Variants in ANXA8 observed in about 807,000 individuals in gnomAD.
ANXA8 encodes VAC-beta.
In ANXA8, 9 loss-of-function variants were observed where a neutral mutation model predicts 26.8. That is an observed-to-expected ratio of 0.34 (90% CI 0.20 to 0.59). The LOEUF (loss-of-function observed/expected upper bound fraction) is 0.59, where lower values mean the gene tolerates loss of function less well. Ranked by LOEUF, ANXA8 falls within the 20% of genes least tolerant of loss-of-function variation. The pLI, the probability that ANXA8 is intolerant of heterozygous loss-of-function variation, is 0.84. For synonymous variants in ANXA8, 39 were observed against 94.8 expected (o/e 0.41, Z 3.42); for missense variants, 83 against 238.5 (o/e 0.35, Z 4.29).
At chr10:47,617,523 G>A in the ANXA8 span, among the ~76,000 whole-genome samples, 1 of 147,018 alleles carries the variant, frequency 6.8e-6, no homozygotes, top group Non-Finnish European at 1.5e-5. Context: ...TAAGGAGGAT[G>A]GGGTTCATTT....
upstream of ANXA8, among the ~76,000 whole-genome samples, chr10:47,485,357 C>T (rs1218388282): frequency 1.3e-5 from 2 of 151,852 alleles, no homozygotes; most frequent in African/African-American, 2.4e-5. Flanking sequence ...TCAGTCTGTA[C>T]TGCCACCAAC....
At chr10:47,699,099 C>A in the ANXA8 span, among the ~76,000 whole-genome samples, 1 of 151,692 alleles carries the variant, frequency 6.6e-6, no homozygotes, top group Non-Finnish European at 1.5e-5. Context: ...GTAATCCCAG[C>A]ACTTTGAGAG....
the ANXA8 span, among the ~76,000 whole-genome samples, chr10:47,682,722 G>A: frequency 3.3e-5 from 5 of 151,782 alleles, no homozygotes; most frequent in East Asian, 5.8e-4. Flanking sequence ...TGCCCACTTC[G>A]GCCTCCCAAA....
chr10:47,557,299 A>G, the ANXA8 span, among the ~76,000 whole-genome samples: 2 of 149,964 alleles, frequency 1.3e-5, no homozygotes, highest in Non-Finnish European at 3.0e-5. Context: ...ATGAGCCACC[A>G]CACCCAGCCT....
chr10:47,743,313 CACATATATATATAT>C, the ANXA8 span, among the ~76,000 whole-genome samples: 2 of 27,546 alleles, frequency 7.3e-5, no homozygotes, highest in South Asian at 1.7e-3. Context: ...TATATATATA[CACATATATATATAT>C]ACATATATAT....
chr10:47,685,322 G>T, the ANXA8 span, among the ~76,000 whole-genome samples: 1 of 149,568 alleles, frequency 6.7e-6, no homozygotes, highest in Admixed American at 6.6e-5. Flanking sequence ...CTCCAGCCTG[G>T]GTGACAAAAG....
the ANXA8 span, among the ~76,000 whole-genome samples, chr10:47,689,366 C>T: frequency 1.3e-3 from 198 of 151,832 alleles, 5 homozygotes; most frequent in East Asian, 1.6e-3. Flanking sequence ...TTAGTATAGA[C>T]GGCGTTTCAC....
the ANXA8 span, among the ~76,000 whole-genome samples, chr10:47,606,959 G>A: frequency 6.6e-6 from 1 of 151,986 alleles, no homozygotes; most frequent in Admixed American, 6.6e-5. Context: ...ATTTTTCACA[G>A]CACTTTTTGT....
chr10:47,979,460 C>A, the ANXA8 span, among the ~76,000 whole-genome samples: 1 of 151,440 alleles, frequency 6.6e-6, no homozygotes, highest in African/African-American at 2.4e-5. Context: ...ATCCCTGGAA[C>A]CACGTTACAT....
the ANXA8 span, among the ~76,000 whole-genome samples, chr10:47,895,006 C>T: frequency 2.6e-5 from 2 of 76,372 alleles, no homozygotes; most frequent in Non-Finnish European, 6.6e-5. Context: ...GTCACACATA[C>T]CACACAACAC....
chr10:47,733,227 CTT>C, the ANXA8 span, among the ~76,000 whole-genome samples: 95 of 75,562 alleles, frequency 1.3e-3, 4 homozygotes, highest in Admixed American at 2.2e-3. Context: ...CTTTCTCTTT[CTT>C]TCTCTCTTTC....
At chr10:47,556,626 A>G in the ANXA8 span, among the ~76,000 whole-genome samples, 1 of 151,882 alleles carries the variant, frequency 6.6e-6, no homozygotes, top group South Asian at 2.1e-4. Context: ...ATGTACATAT[A>G]TAACTGCAGG....
chr10:47,952,513 C>T, the ANXA8 span, among the ~76,000 whole-genome samples: 3 of 149,092 alleles, frequency 2.0e-5, no homozygotes, highest in Non-Finnish European at 4.4e-5. Context: ...TCTATAGTAC[C>T]ATTTGAAAAT....
At chr10:47,569,764 T>TG in the ANXA8 span, 30 of 109,160 alleles carry the variant, frequency 2.7e-4, no homozygotes, top group African/African-American at 3.1e-3. Context: ...TTTTTTTTTT[T>TG]TTTTGAGACA....
the ANXA8 span, among the ~76,000 whole-genome samples, chr10:47,940,195 G>T: frequency 2.8e-3 from 424 of 149,730 alleles, no homozygotes; most frequent in African/African-American, 0.01. Flanking sequence ...AAGGATGCAA[G>T]AGAGTCTCCA....
At chr10:47,722,727 A>G in the ANXA8 span, among the ~76,000 whole-genome samples, 1 of 142,054 alleles carries the variant, frequency 7.0e-6, no homozygotes, top group Non-Finnish European at 1.5e-5. Context: ...CTCAGAAGTC[A>G]TGTGGCATCA....
At chr10:47,586,869 A>T in the ANXA8 span, among the ~76,000 whole-genome samples, 1,711 of 146,312 alleles carry the variant, frequency 0.012, 56 homozygotes, top group Middle Eastern at 0.049. Context: ...GTTTTTGAGC[A>T]GGGGGTCACT....
the ANXA8 span, among the ~76,000 whole-genome samples, chr10:47,671,297 C>T: frequency 1.3e-5 from 2 of 151,610 alleles, no homozygotes; most frequent in Non-Finnish European, 2.9e-5. Flanking sequence ...TGGTGCGTGC[C>T]TGTAGTCCTA....
the ANXA8 span, among the ~76,000 whole-genome samples, chr10:47,720,493 A>C: frequency 6.8e-6 from 1 of 147,054 alleles, no homozygotes; most frequent in Non-Finnish European, 1.5e-5. Flanking sequence ...TTAGAAATTA[A>C]AGCCAGCAAA....
Sources: gnomAD v4.1 joint callset for allele counts (sites outside exome capture counted in the v4.1 genomes callset) on GRCh38, gnomAD v4.1.1 for gene constraint, MANE v1.5 for transcripts, NCBI Gene and HGNC (gene_info 2026-07-23, HGNC 2026-07-21) for gene names.